The following LRR1 variants were observed in gnomAD, a reference collection of about 807,000 sequenced individuals.
LRR1 encodes the protein leucine rich repeat protein 1, also known as leucine-rich repeat protein 1.
In LRR1, 29 loss-of-function variants were observed where a neutral mutation model predicts 31.6. The observed-to-expected ratio is 0.92, with a 90% CI of 0.68 to 1.25. The LOEUF (loss-of-function observed/expected upper bound fraction) is 1.25. Ranked by LOEUF, LRR1 falls within the 50% of genes most tolerant of loss-of-function variation. LRR1 has a pLI of 0.00. For missense variants in LRR1, 485 were observed against 487.2 expected, an observed-to-expected ratio of 1.00 and a Z score of 0.04; for synonymous variants, 179 against 181.4, an observed-to-expected ratio of 0.99 and a Z score of 0.10.
At position 49,604,336 on chromosome 14, in the gene LRR1, C is replaced by T. The variant is rs144764215; in HGVS notation, c.282+1868C>T. ...AACAAAACAAAACAAAACAAAAATACCATAAACTGGCTGGGTGCAGTGGCT... is the reference window on the plus strand; with the variant it reads ...AACAAAACAAAACAAAACAAAAATATCATAAACTGGCTGGGTGCAGTGGCT... On this transcript the variant is annotated intron_variant, in intron 2 of 3. Transcript: ENST00000298288. Among the ~76,000 whole-genome samples, 633 of 151,472 alleles carry T rather than the reference C, an allele frequency of 4.2e-3. 4 individuals carry two copies. The highest frequency in any genetic ancestry group is 0.015 in the African/African-American group (603 of 41,306).
intron 3 of LRR1, chr14:49,612,397 G>A: frequency 9.4e-7 from 1 of 1,067,686 alleles, no homozygotes; most frequent in East Asian, 6.8e-5. Flanking sequence ...TGATCTATTA[G>A]GAAAATATGT....
intron 3 of LRR1, 104 bp from the exon 4 acceptor site, chr14:49,614,152 C>T (rs565056159): frequency 2.6e-6 from 3 of 1,132,110 alleles, no homozygotes; most frequent in East Asian, 5.2e-5. Flanking sequence ...ATATACTAAT[C>T]GCTTAATAAT....
At chr14:49,613,355 A>AAC (rs71115384) in intron 3 of LRR1, among the ~76,000 whole-genome samples, 2 of 151,100 alleles carry the variant, frequency 1.3e-5, no homozygotes, top group African/African-American at 4.9e-5. Flanking sequence ...AAAAAAAAAA[A>AAC]TTAGCCGGGA....
intron 3 of LRR1, among the ~76,000 whole-genome samples, chr14:49,611,872 T>C (rs1882524665): frequency 6.7e-6 from 1 of 148,692 alleles, no homozygotes; most frequent in Non-Finnish European, 1.5e-5. Flanking sequence ...TGTAGTGAGC[T>C]GAGATTGTAG....
chr14:49,608,486 C>CT (rs553421872), intron 3 of LRR1, among the ~76,000 whole-genome samples: 66 of 62,448 alleles, frequency 1.1e-3, no homozygotes, highest in East Asian at 4.9e-3. Flanking sequence ...TATTTTTAAA[C>CT]TTTTTTTTTT....
At chr14:49,602,931 G>T (rs1882121923) in intron 2 of LRR1, among the ~76,000 whole-genome samples, 1 of 151,830 alleles carries the variant, frequency 6.6e-6, no homozygotes, top group African/African-American at 2.4e-5. Context: ...CATCTCCCGG[G>T]TTCAAACAAT....
Position 49,603,934 on chromosome 14 carries a change from G to T in LRR1, c.282+1466G>T, listed in dbSNP as rs563932044. Among the ~76,000 whole-genome samples the T allele has an allele frequency of 2.7e-5, 4 of 150,140 alleles. No individual in the cohort carries two copies. The South Asian group carries it at 6.4e-4, about 24-fold the overall frequency. On this transcript the variant is annotated intron_variant, in intron 2 of 3. Coordinates refer to ENST00000298288, the MANE Select transcript of LRR1 (RefSeq NM_152329.4). ...TCTCAAACTCCTGACCTCGTGATCCGCCCACCTTGGCCGCCCAAAGTGCTG... is the reference window on the plus strand; with the variant it reads ...TCTCAAACTCCTGACCTCGTGATCCTCCCACCTTGGCCGCCCAAAGTGCTG...
intron 3 of LRR1, among the ~76,000 whole-genome samples, chr14:49,611,841 T>C (rs891699436): frequency 2.6e-5 from 4 of 151,748 alleles, no homozygotes; most frequent in Non-Finnish European, 4.4e-5. Flanking sequence ...GATATATTGC[T>C]TGAACCCGGG....
intron 1 of LRR1, chr14:49,600,338 C>G: frequency 1.3e-6 from 2 of 1,541,572 alleles, no homozygotes; most frequent in Non-Finnish European, 9.0e-7. Context: ...CAAATGTACC[C>G]TTTTTATTAA....
intron 2 of LRR1, among the ~76,000 whole-genome samples, chr14:49,606,173 C>G (rs1304126096): frequency 1.4e-5 from 2 of 147,638 alleles, no homozygotes; most frequent in Non-Finnish European, 3.0e-5. Flanking sequence ...ATTACAGGCG[C>G]CTGCCGCCAT....
At chr14:49,602,215 T>TA (rs1882089061) in intron 1 of LRR1, among the ~76,000 whole-genome samples, 155 bp from the exon 2 acceptor site, 1 of 127,652 alleles carries the variant, frequency 7.8e-6, no homozygotes, top group African/African-American at 3.1e-5. Flanking sequence ...AGTGGCGTGA[T>TA]AAAAAGCTTT....
At chr14:49,600,215 G>C in intron 1 of LRR1, 1 of 1,484,428 alleles carries the variant, frequency 6.7e-7, no homozygotes, top group Admixed American at 1.7e-5. Context: ...ACCATCTGAG[G>C]CCTTTATCTT....
intron 1 of LRR1, chr14:49,600,498 A>C: frequency 6.3e-7 from 1 of 1,576,818 alleles, no homozygotes; most frequent in South Asian, 1.1e-5. Context: ...TTTAACCCAG[A>C]AGGGATTGAA....
chr14:49,608,461 A>T (rs554930388), intron 3 of LRR1, among the ~76,000 whole-genome samples: 1 of 40,870 alleles, frequency 2.4e-5, no homozygotes, highest in African/African-American at 9.6e-5. Flanking sequence ...CATAGGACTC[A>T]TTGCCTGTTA....
chr14:49,609,460 A>G (rs1285837138), intron 3 of LRR1, among the ~76,000 whole-genome samples: 1 of 151,672 alleles, frequency 6.6e-6, no homozygotes, highest in African/African-American at 2.4e-5. Flanking sequence ...GCTGGAGTGC[A>G]GTGGCGCCAT....
intron 3 of LRR1, 78 bp downstream of exon 3, chr14:49,608,199 C>T: frequency 7.2e-7 from 1 of 1,394,726 alleles, no homozygotes; most frequent in Non-Finnish European, 9.5e-7. Flanking sequence ...GTAATAAAGT[C>T]TAACATTGCT....
chr14:49,612,435 A>G, intron 3 of LRR1: 2 of 1,187,040 alleles, frequency 1.7e-6, no homozygotes, highest in Non-Finnish European at 2.1e-6. Flanking sequence ...CAGATAGAAA[A>G]TACAGTTTTT....
At chr14:49,604,534 T>A (rs1882212538) in intron 2 of LRR1, among the ~76,000 whole-genome samples, 1 of 151,112 alleles carries the variant, frequency 6.6e-6, no homozygotes, top group African/African-American at 2.4e-5. Flanking sequence ...ACCCCATCTC[T>A]ACAAAAAAAT....
chr14:49,612,502 C>T, intron 3 of LRR1: 1 of 1,262,604 alleles, frequency 7.9e-7, no homozygotes, highest in Non-Finnish European at 1.0e-6. Flanking sequence ...TTAATGTAAA[C>T]ATGTGGGAGA....
Sources: gnomAD v4.1 joint callset for allele counts (sites outside exome capture counted in the v4.1 genomes callset) on GRCh38, gnomAD v4.1.1 for gene constraint, MANE v1.5 for transcripts, NCBI Gene and HGNC (gene_info 2026-07-23, HGNC 2026-07-21) for gene names.